Variants in POR observed in about 807,000 individuals in gnomAD.
The protein encoded by POR is cytochrome p450 oxidoreductase.
Under a neutral mutation model 84.0 loss-of-function variants are expected in POR, and 56 were observed. The observed-to-expected ratio is 0.67, with a 90% CI of 0.54 to 0.83. POR has a LOEUF of 0.83. POR is among the 40% of genes least tolerant of loss of function. The pLI is 0.00. For synonymous variants in POR, 414 were observed against 400.5 expected (o/e 1.03, Z -0.40); for missense variants, 938 against 944.3 (o/e 0.99, Z 0.09).
Position 75,927,772 on chromosome 7 carries a change from G to A in POR, c.-5+12593G>A, listed in dbSNP as rs112735628. Among the ~76,000 whole-genome samples the A allele has an allele frequency of 4.6e-3, 694 of 150,772 alleles. 3 individuals carry two copies. Among genetic ancestry groups the A allele is most frequent in the African/African-American group, 0.016 (643 of 40,888 alleles). On this transcript the variant is annotated intron_variant, in intron 1 of 15. Coordinates refer to ENST00000461988, the MANE Select transcript of POR (RefSeq NM_000941.3). Reference sequence around the variant, plus strand: ...TGCAACCTCTGCCTCCCGGGTTCCAGTGATTCTCTTGCCTCAGCCTCCTGA... The same window carrying A: ...TGCAACCTCTGCCTCCCGGGTTCCAATGATTCTCTTGCCTCAGCCTCCTGA...
intron 1 of POR, among the ~76,000 whole-genome samples, chr7:75,938,009 G>GAGCTGC (rs1236467992): frequency 2.8e-4 from 42 of 152,282 alleles, no homozygotes; most frequent in African/African-American, 8.9e-4. Flanking sequence ...CAGGCACGGG[G>GAGCTGC]AGCTGCAGCT....
intron 1 of POR, among the ~76,000 whole-genome samples, chr7:75,921,980 A>T (rs189658581): frequency 0.041 from 6,215 of 152,240 alleles, 415 homozygotes; most frequent in African/African-American, 0.14. Context: ...GTGCTGGGAT[A>T]ATAGGCAGGA....
In POR at chr7:75,986,481, G is replaced by C; in HGVS notation, c.2043G>C (p.Ter681TyrextTer14). The C allele has an allele frequency of 6.2e-7, 1 of 1,608,054 alleles. No homozygotes were observed. Among genetic ancestry groups the C allele is most frequent in the East Asian group, 2.2e-5 (1 of 44,852 alleles). ...GCTACTCCCTGGACGTGTGGAGCTA[G>C]GGGCCTGCCTGCCCCACCCACCCCA... Residue 681 changes from the stop codon to tyrosine, a stop_lost, in exon 16 of 16, where the codon TAG becomes TAC. Coordinates refer to ENST00000461988, the MANE Select transcript of POR (RefSeq NM_000941.3).
At chr7:75,935,619 TTGTGTGTGTGTGTGTGTGTGTGTGTG>T (rs57899780) in intron 1 of POR, among the ~76,000 whole-genome samples, 8 of 131,384 alleles carry the variant, frequency 6.1e-5, no homozygotes, top group South Asian at 2.8e-4. Flanking sequence ...TGCTCGGGGC[TTGTGTGTGTGTGTGTGTGTGTGTGTG>T]TGTGTGTGTG....
At chr7:75,933,812 A>G (rs1554550440) in intron 1 of POR, among the ~76,000 whole-genome samples, 1 of 152,024 alleles carries the variant, frequency 6.6e-6, no homozygotes, top group African/African-American at 2.4e-5. Flanking sequence ...AGATTTCCCC[A>G]TTGTTAATAT....
intron 3 of POR, among the ~76,000 whole-genome samples, chr7:75,975,804 A>AT (rs1282711094): frequency 1.4e-4 from 18 of 126,336 alleles, no homozygotes; most frequent in Admixed American, 8.3e-4. Flanking sequence ...AGGAAAAAAA[A>AT]GCTGTTCAGA....
At chr7:75,984,581 A>G (rs1170313477) in intron 10 of POR, among the ~76,000 whole-genome samples, 196 bp from the exon 11 acceptor site, 12 of 152,084 alleles carry the variant, frequency 7.9e-5, no homozygotes, top group Admixed American at 7.2e-4. Flanking sequence ...TCTGATGAGG[A>G]CTTCCTGTCT....
chr7:75,967,174 G>A (rs1368183633), intron 2 of POR, among the ~76,000 whole-genome samples: 3 of 152,158 alleles, frequency 2.0e-5, no homozygotes, highest in Non-Finnish European at 2.9e-5. Flanking sequence ...AGGCTGTTTC[G>A]CCATGTTGCC....
chr7:75,985,594 G>C lies in POR; in HGVS notation c.1414G>C (p.Val472Leu), dbSNP rs72557946. The change falls in exon 13 of 16, where the codon GTG (valine) becomes CTG (leucine). Residue 472 changes from valine (V) to leucine (L), a missense_variant. By Grantham distance (32) the Val-to-Leu change is conservative. Transcript: ENST00000461988. Reference sequence around the variant, plus strand: ...CTCCCCACAGGTCCACCCCAACTCTGTGCACATCTGTGCGGTGGTTGTGGA... The same window carrying C: ...CTCCCCACAGGTCCACCCCAACTCTCTGCACATCTGTGCGGTGGTTGTGGA... 2.7e-4 allele frequency: 423 copies of C among 1,562,518 alleles called. 3 individuals carry two copies. The Middle Eastern group carries it at 7.7e-3, about 29-fold the overall frequency.
chr7:75,958,155 C>T (rs781920098), intron 2 of POR, among the ~76,000 whole-genome samples: 9 of 152,178 alleles, frequency 5.9e-5, no homozygotes, highest in African/African-American at 1.4e-4. Context: ...CTCACTCTGT[C>T]GTTCAGGCTG....
intron 2 of POR, among the ~76,000 whole-genome samples, chr7:75,966,221 A>G (rs1348743940): frequency 1.3e-5 from 2 of 152,066 alleles, no homozygotes; most frequent in African/African-American, 4.8e-5. Flanking sequence ...GTGGCCACTC[A>G]CACCTGCTTT....
intron 10 of POR, 82 bp downstream of exon 10, chr7:75,983,938 T>G: frequency 8.9e-7 from 1 of 1,119,084 alleles, no homozygotes; most frequent in Non-Finnish European, 1.3e-6. Flanking sequence ...GTTGAGCTTC[T>G]GCTTAGGCCT....
chr7:75,941,310 C>T (rs1807968657), intron 1 of POR, among the ~76,000 whole-genome samples: 1 of 152,150 alleles, frequency 6.6e-6, no homozygotes, highest in African/African-American at 2.4e-5. Flanking sequence ...CAAAAGGAAC[C>T]GTGCGTGGAC....
At chr7:75,985,273 T>C in intron 12 of POR, 66 bp downstream of exon 12, 1 of 1,482,758 alleles carries the variant, frequency 6.7e-7, no homozygotes, top group South Asian at 1.3e-5. Context: ...GCAGGCAGAG[T>C]GCAAGGCGGC....
intron 7 of POR, 23 bp from the exon 8 acceptor site, chr7:75,982,201 C>T (rs1407637574): frequency 3.8e-6 from 6 of 1,591,896 alleles, no homozygotes; most frequent in Non-Finnish European, 5.1e-6. Context: ...TTCCCGGCCT[C>T]ACCCTTGGTC....
chr7:75,923,254 G>A (rs1806961596), intron 1 of POR: 1 of 1,192,480 alleles, frequency 8.4e-7, no homozygotes, highest in Non-Finnish European at 1.2e-6. Flanking sequence ...GGTGTCTTTT[G>A]CTTGGAAGAC....
At chr7:75,974,528 T>C (rs1367400019) in intron 3 of POR, among the ~76,000 whole-genome samples, 3 of 145,402 alleles carry the variant, frequency 2.1e-5, no homozygotes, top group African/African-American at 5.1e-5. Flanking sequence ...TCTTTTCTTT[T>C]TTTTTTTTTT....
chr7:75,963,319 G>A (rs1788029573), intron 2 of POR, among the ~76,000 whole-genome samples: 1 of 152,186 alleles, frequency 6.6e-6, no homozygotes, highest in East Asian at 1.9e-4. Context: ...CGCTGCTGTG[G>A]GAACGGCGAG....
In POR at chr7:75,953,867, C is replaced by G. The variant is rs571048044; in HGVS notation, c.-4-122C>G. 736 of 735,844 alleles carry G rather than the reference C, an allele frequency of 1.0e-3. 2 individuals carry two copies. Among genetic ancestry groups the G allele is most frequent in the Non-Finnish European group, 1.3e-3 (608 of 456,178 alleles). The allele number at this position is 735,844 out of a possible 1,614,324, so 45.6% of individuals were successfully genotyped here. On this transcript the variant is annotated intron_variant, in intron 1 of 15. Coordinates refer to ENST00000461988, the MANE Select transcript of POR (RefSeq NM_000941.3). ...GCTGAGTGAGCCCCTTCTCCTACCC[C>G]GTGCAGTGACCATTTCCTGCAGCCC...
Sources: gnomAD v4.1 joint callset for allele counts (sites outside exome capture counted in the v4.1 genomes callset) on GRCh38, gnomAD v4.1.1 for gene constraint, MANE v1.5 for transcripts, NCBI Gene and HGNC (gene_info 2026-07-23, HGNC 2026-07-21) for gene names.